BEGAIN: variants seen among roughly 807,000 people sequenced by gnomAD.
BEGAIN encodes brain-enriched guanylate kinase-associated protein.
Under a neutral mutation model 35.8 loss-of-function variants are expected in BEGAIN, and 19 were observed. The ratio of observed to expected loss-of-function variants is 0.53; its 90% CI spans 0.37 to 0.78. The LOEUF (loss-of-function observed/expected upper bound fraction) is 0.78. BEGAIN is among the 30% of genes least tolerant of loss of function. The probability of loss-of-function intolerance (pLI) is 0.00; values close to 1 mark genes in which losing one functional copy is unlikely to be tolerated. For synonymous variants in BEGAIN, 462 were observed against 388.6 expected (o/e 1.19, Z -2.22); for missense variants, 795 against 853.6 (o/e 0.93, Z 0.85).
At chr14:100,562,707 G>A (rs548688287) in intron 2 of BEGAIN, among the ~76,000 whole-genome samples, 16 of 152,098 alleles carry the variant, frequency 1.1e-4, no homozygotes, top group Non-Finnish European at 2.2e-4. Flanking sequence ...TGGACCTCCT[G>A]GTGCCTTGAC....
chr14:100,562,285 G>C (rs1393888504), intron 2 of BEGAIN, among the ~76,000 whole-genome samples: 1 of 152,092 alleles, frequency 6.6e-6, no homozygotes, highest in East Asian at 1.9e-4. Flanking sequence ...TGAGTTGTCG[G>C]GGCCCAGACC....
At chr14:100,565,015 T>C (rs2034574226) in intron 2 of BEGAIN, among the ~76,000 whole-genome samples, 2 of 152,156 alleles carry the variant, frequency 1.3e-5, no homozygotes, top group Admixed American at 1.3e-4. Flanking sequence ...CTCTTCCCAA[T>C]ACCCCAGGCC....
At chr14:100,547,513 CA>C (rs922981357) in intron 2 of BEGAIN, 1 of 152,280 alleles carries the variant, frequency 6.6e-6, no homozygotes, top group Admixed American at 6.5e-5. Context: ...TAAAGCTGTG[CA>C]AAGGCAGGAG....
At chr14:100,541,404 T>C (rs1045957187) in intron 5 of BEGAIN, among the ~76,000 whole-genome samples, 1 of 152,192 alleles carries the variant, frequency 6.6e-6, no homozygotes, top group Non-Finnish European at 1.5e-5. Context: ...GGCATCCTGC[T>C]GTCCAGGCAA....
chr14:100,540,490 C>A lies in BEGAIN; in HGVS notation c.492+6G>T. 2 of 1,587,814 alleles carry A rather than the reference C, an allele frequency of 1.3e-6. No individual in the cohort carries two copies. Among genetic ancestry groups the A allele is most frequent in the Non-Finnish European group, 1.7e-6 (2 of 1,167,826 alleles). On this transcript the variant is annotated splice_donor_region_variant and intron_variant, in intron 6 of 6. Coordinates refer to ENST00000554140, the MANE Select transcript of BEGAIN (RefSeq NM_001385089.1). ...CGGGGTGGGCCTGGCTGCGGGGCCA[C>A]GTTACCTCAGACACCTTGTGGACCC...
chr14:100,559,857 A>G (rs2034079813), intron 2 of BEGAIN, among the ~76,000 whole-genome samples: 1 of 152,188 alleles, frequency 6.6e-6, no homozygotes. Flanking sequence ...TCTCCAAGAA[A>G]AGCCTGCAGC....
chr14:100,551,437 C>G (rs2033186210), intron 2 of BEGAIN, among the ~76,000 whole-genome samples: 1 of 152,196 alleles, frequency 6.6e-6, no homozygotes, highest in Non-Finnish European at 1.5e-5. Flanking sequence ...GATGCTGCCC[C>G]AGAAATCTGG....
Position 100,538,210 on chromosome 14 carries a change from G to A in BEGAIN, c.1598C>T (p.Ala533Val), listed in dbSNP as rs2030886370. 1.3e-6 allele frequency: 2 copies of A among 1,562,178 alleles called. No homozygotes were observed. Among genetic ancestry groups the A allele is most frequent in the South Asian group, 1.2e-5 (1 of 85,778 alleles). ...GTCCCCGTCCCCCCCCTCGCTGGGTGCATAGCCGGGCAGTGGGTCAGCCGA... is the reference window on the plus strand; with the variant it reads ...GTCCCCGTCCCCCCCCTCGCTGGGTACATAGCCGGGCAGTGGGTCAGCCGA... ...GRSADPLPGYAPSEGGDGDRL... is the reference protein window; with the variant it reads ...GRSADPLPGYVPSEGGDGDRL... Residue 533 changes from alanine to valine, a missense_variant, in exon 7 of 7, where the codon GCA becomes GTA. Ala to Val is a moderately conservative substitution (Grantham distance 64). Transcript: ENST00000554140.
intron 2 of BEGAIN, 120 bp from the exon 3 acceptor site, chr14:100,546,782 A>ACG (rs1159606222): frequency 2.5e-5 from 4 of 157,796 alleles, no homozygotes; most frequent in Non-Finnish European, 2.9e-5. Context: ...GCGCGCGCGC[A>ACG]CACACACACA....
intron 1 of BEGAIN, among the ~76,000 whole-genome samples, chr14:100,583,404 A>G (rs960595606): frequency 6.6e-6 from 1 of 152,066 alleles, no homozygotes; most frequent in Non-Finnish European, 1.5e-5. Flanking sequence ...CCATTTATGT[A>G]TCCATTCCTT....
chr14:100,577,122 G>T (rs147969872), intron 1 of BEGAIN, among the ~76,000 whole-genome samples: 21 of 152,202 alleles, frequency 1.4e-4, no homozygotes, highest in Non-Finnish European at 2.8e-4. Context: ...TATGCCTTCC[G>T]TACAGAAATA....
At chr14:100,542,326 C>T (rs1467891191) in intron 5 of BEGAIN, among the ~76,000 whole-genome samples, 1 of 152,238 alleles carries the variant, frequency 6.6e-6, no homozygotes, top group Non-Finnish European at 1.5e-5. Context: ...GTTGTTGGGC[C>T]ACCATACTCG....
Position 100,568,576 on chromosome 14 carries a change from C to T in BEGAIN, c.43-637G>A, listed in dbSNP as rs1469656553. ...ATTAACCCGTGAGCGCCCGGCTCGCCGGCGGGGCTCCCTGCCTTGCTTGCG... is the reference window on the plus strand; with the variant it reads ...ATTAACCCGTGAGCGCCCGGCTCGCTGGCGGGGCTCCCTGCCTTGCTTGCG... On this transcript the variant is annotated intron_variant, in intron 1 of 6. Coordinates refer to ENST00000554140, the MANE Select transcript of BEGAIN (RefSeq NM_001385089.1). This position sits in a 1 kb window ranked among gnomAD's most constrained non-coding sequence, Gnocchi z 7.5. The T allele has an allele frequency of 6.9e-5, 85 of 1,225,932 alleles. No homozygotes were observed. The highest frequency in any genetic ancestry group is 9.0e-5 in the Non-Finnish European group (85 of 939,554). The allele number at this position is 1,225,932 out of a possible 1,614,324, so 75.9% of individuals were successfully genotyped here.
chr14:100,564,121 G>C (rs529611795), intron 2 of BEGAIN, among the ~76,000 whole-genome samples: 113 of 151,150 alleles, frequency 7.5e-4, no homozygotes, highest in East Asian at 3.3e-3. Flanking sequence ...CTGGCCGGGA[G>C]CAGGATGGGG....
chr14:100,545,489 T>C (rs895720862), intron 3 of BEGAIN: 2 of 951,662 alleles, frequency 2.1e-6, no homozygotes, highest in Non-Finnish European at 2.5e-6. Flanking sequence ...GGCCCCAGGG[T>C]GAGGCTGGAG....
chr14:100,547,071 G>T, intron 2 of BEGAIN: 1 of 158,136 alleles, frequency 6.3e-6, no homozygotes. Flanking sequence ...GGGTGGCACA[G>T]GTGACTGGGG....
rs1229625378 is a variant in BEGAIN, at chr14:100,573,766, A to C, written c.43-5827T>G. Among the ~76,000 whole-genome samples the C allele has an allele frequency of 6.6e-6, 1 of 151,980 alleles. No homozygotes were observed. Among genetic ancestry groups the C allele is most frequent in the East Asian group, 1.9e-4 (1 of 5,166 alleles). Reference sequence around the variant, plus strand: ...GGGAAATGGGCTTGGAGTTCAGGGGAGGCTCCAGGAGATGTGAACCTGGAA... The same window carrying C: ...GGGAAATGGGCTTGGAGTTCAGGGGCGGCTCCAGGAGATGTGAACCTGGAA... On this transcript the variant is annotated intron_variant, in intron 1 of 6. Transcript: ENST00000554140. The surrounding 1 kb of genome is among the most constrained non-coding windows in gnomAD (Gnocchi z 4.2).
At position 100,538,521 on chromosome 14, in the gene BEGAIN, G is replaced by A; in HGVS notation, c.1287C>T (p.Pro429=). 6.6e-7 allele frequency: 1 copy of A among 1,519,900 alleles called. No homozygotes were observed. 94.2% of individuals were successfully genotyped at this position (1,519,900 alleles called of 1,614,324 possible). ...GCCACTGGCCCCTCATGTCCTCCCCGGGGAGCCGGGCGGTCCCCGGCTTGG... is the reference window on the plus strand; with the variant it reads ...GCCACTGGCCCCTCATGTCCTCCCCAGGGAGCCGGGCGGTCCCCGGCTTGG... The part of the protein sequence containing the change: ...LRAKPGTARL[P]GEDMRGQWRP... Residue 429 remains proline (P), a synonymous_variant, in exon 7 of 7, where the codon CCC becomes CCT. Coordinates refer to ENST00000554140, the MANE Select transcript of BEGAIN (RefSeq NM_001385089.1).
rs139970483 is a variant in BEGAIN, at chr14:100,571,136, G to A, written c.43-3197C>T. 6.0e-3 allele frequency among the ~76,000 whole-genome samples: 906 copies of A among 152,248 alleles called. 4 individuals carry two copies. Among genetic ancestry groups the A allele is most frequent in the Non-Finnish European group, 0.01 (683 of 67,994 alleles). ...GCGCTGTCCAGCCCCATTCACACCCGCTGCCTCTTCCTCCAACACACCTCT... is the reference window on the plus strand; with the variant it reads ...GCGCTGTCCAGCCCCATTCACACCCACTGCCTCTTCCTCCAACACACCTCT... On this transcript the variant is annotated intron_variant, in intron 1 of 6. Transcript: ENST00000554140.
Sources: allele counts gnomAD v4.1 joint callset (sites outside exome capture counted in the v4.1 genomes callset), GRCh38; gene constraint gnomAD v4.1.1; non-coding constraint Gnocchi (gnomAD v3.1); transcripts MANE v1.5; gene names NCBI Gene and HGNC (gene_info 2026-07-23, HGNC 2026-07-21).